The following FMN1 variants were observed in gnomAD, a reference collection of about 807,000 sequenced individuals.
FMN1 encodes the protein formin-1.
FMN1 carries 110 observed loss-of-function variants against 132.4 expected under a neutral mutation model. The ratio of observed to expected loss-of-function variants is 0.83; its 90% CI spans 0.71 to 0.97. The LOEUF is 0.97. Ranked by LOEUF, FMN1 falls within the 50% of genes least tolerant of loss-of-function variation. FMN1 has a pLI of 0.00. For synonymous variants in FMN1, 722 were observed against 651.7 expected (o/e 1.11, Z -1.64); for missense variants, 1,792 against 1,705.3 (o/e 1.05, Z -0.90).
At chr15:32,850,839 T>G (rs2058991804) in intron 17 of FMN1, among the ~76,000 whole-genome samples, 1 of 152,132 alleles carries the variant, frequency 6.6e-6, no homozygotes, top group African/African-American at 2.4e-5. Flanking sequence ...TATTTTAGGT[T>G]TGGGGGTACA....
rs780843149 is a variant in FMN1, at chr15:32,968,825, A to C, written c.2876T>G (p.Leu959Arg). The change falls in exon 8 of 21, where the codon CTC becomes CGC. Residue 959 changes from leucine to arginine, a missense_variant. Physicochemically the swap from Leu to Arg is moderately radical, Grantham distance 102 (BLOSUM62 -2). Transcript: ENST00000616417. ...GGAAGAAGAGCCAAGTCCAAAGAAG[A>C]GTCCAGGGGGAGGTGGGGGTGCAAG... The part of the protein sequence containing the change: ...PGLAPPPPPG[L>R]FFGLGSSSSQ... 5.6e-5 allele frequency: 87 copies of C among 1,555,964 alleles called. 1 individual carries two copies. The highest frequency in any genetic ancestry group is 6.2e-5 in the Non-Finnish European group (71 of 1,139,714).
intron 12 of FMN1, among the ~76,000 whole-genome samples, chr15:32,903,608 C>T (rs779375078): frequency 2.6e-5 from 4 of 152,152 alleles, no homozygotes; most frequent in African/African-American, 4.8e-5. Flanking sequence ...TCACAGTGAG[C>T]GAAGCAGTTA....
chr15:33,071,029 T>C (rs1392143811), intron 5 of FMN1, among the ~76,000 whole-genome samples: 2 of 152,174 alleles, frequency 1.3e-5, no homozygotes, highest in Middle Eastern at 3.2e-3. Flanking sequence ...CTCCACTTCC[T>C]TCCCGAATAG....
intron 4 of FMN1, among the ~76,000 whole-genome samples, chr15:33,148,738 T>C (rs1253557935): frequency 6.6e-6 from 1 of 152,158 alleles, no homozygotes. Flanking sequence ...CTGTGAGTAA[T>C]CCAGGGGCCT....
chr15:33,069,587 C>G (rs182185704), intron 5 of FMN1, among the ~76,000 whole-genome samples: 202 of 152,282 alleles, frequency 1.3e-3, no homozygotes, highest in Non-Finnish European at 1.1e-3. Context: ...GAGCCATGTT[C>G]TTCAGTACTA....
chr15:32,887,579 C>G lies in FMN1; in HGVS notation c.3835+593G>C, dbSNP rs149026382. On this transcript the variant is annotated intron_variant, in intron 16 of 20. Coordinates refer to ENST00000616417, the MANE Select transcript of FMN1 (RefSeq NM_001277313.2). ...TGGGCCTTACCATCATTATTAGACT[C>G]ATATATAAACCAAACATACAGGAAC... is the stretch of plus-strand genomic sequence containing the variant. Among the ~76,000 whole-genome samples, 944 of 152,274 alleles carry G rather than the reference C, an allele frequency of 6.2e-3. 12 individuals carry two copies. The highest frequency in any genetic ancestry group is 0.022 in the African/African-American group (899 of 41,536).
At chr15:32,884,410 C>T (rs1249998617) in intron 16 of FMN1, among the ~76,000 whole-genome samples, 1 of 152,148 alleles carries the variant, frequency 6.6e-6, no homozygotes, top group African/African-American at 2.4e-5. Context: ...TTATATCTCC[C>T]TCTGATCATA....
At chr15:33,030,681 A>G (rs970217686) in intron 6 of FMN1, among the ~76,000 whole-genome samples, 1 of 152,220 alleles carries the variant, frequency 6.6e-6, no homozygotes, top group Non-Finnish European at 1.5e-5. Flanking sequence ...GTATTTACAT[A>G]CCGAAAAGAA....
In FMN1 at chr15:32,969,368, C is replaced by T. The variant is rs932260737; in HGVS notation, c.2333G>A (p.Arg778Gln). Residue 778 changes from arginine (R) to glutamine (Q), a missense_variant, in exon 8 of 21, where the codon CGA (arginine) becomes CAA (glutamine). Arg to Gln is a conservative substitution (Grantham distance 43, BLOSUM62 1). Transcript: ENST00000616417. ...NLKHELEHRW[R>Q]GGCEERKDVC... ...ATCTTTCCTCTCTTCACAACCCCCT[C>T]GCCATCTGTGTTCTAGCTCGTGTTT... The T allele has an allele frequency of 7.4e-6, 12 of 1,613,948 alleles. No homozygotes were observed. The highest frequency in any genetic ancestry group is 1.0e-5 in the Non-Finnish European group (12 of 1,179,880).
intron 17 of FMN1, among the ~76,000 whole-genome samples, chr15:32,826,574 C>T (rs1041780714): frequency 6.6e-6 from 1 of 152,158 alleles, no homozygotes; most frequent in Admixed American, 6.6e-5. Flanking sequence ...TAATGAGAAA[C>T]CAGGAAAGTA....
rs1272917544 is a variant in FMN1, at chr15:32,900,027, A to G, written c.3606T>C (p.Asp1202=). The part of the protein sequence containing the change: ...NGGNRTRGQA[D]GYSLEILPKL... Reference sequence around the variant, plus strand: ...TGGGCAGAATTTCTAAGCTATATCCATCGGCTTGTCCCCGAGTCCTATTTC... The same window carrying G: ...TGGGCAGAATTTCTAAGCTATATCCGTCGGCTTGTCCCCGAGTCCTATTTC... The change falls in exon 14 of 21, where the codon GAT becomes GAC. Residue 1202 remains aspartate (D), a synonymous_variant. Transcript: ENST00000616417. 1 of 1,614,004 alleles carries G rather than the reference A, an allele frequency of 6.2e-7. No homozygotes were observed. Among genetic ancestry groups the G allele is most frequent in the Non-Finnish European group, 8.5e-7 (1 of 1,179,874 alleles).
chr15:32,788,529 T>A (rs2056956818), intron 19 of FMN1, among the ~76,000 whole-genome samples: 1 of 151,856 alleles, frequency 6.6e-6, no homozygotes, highest in South Asian at 2.1e-4. Context: ...AACAAAAGGG[T>A]GAGGAAACAG....
intron 19 of FMN1, among the ~76,000 whole-genome samples, chr15:32,782,933 A>G (rs1447807799): frequency 1.3e-5 from 2 of 152,318 alleles, no homozygotes; most frequent in African/African-American, 4.8e-5. Context: ...TCTCACTTAT[A>G]AGTGGGAGCT....
chr15:33,100,237 A>G (rs2039243933), intron 4 of FMN1, among the ~76,000 whole-genome samples: 1 of 152,070 alleles, frequency 6.6e-6, no homozygotes, highest in Non-Finnish European at 1.5e-5. Context: ...AAAAAAAAAA[A>G]AAAAAGGTAG....
chr15:32,924,458 A>G (rs781312084), intron 10 of FMN1, among the ~76,000 whole-genome samples: 8 of 152,230 alleles, frequency 5.3e-5, no homozygotes, highest in Non-Finnish European at 8.8e-5. Flanking sequence ...GTCAGGACCT[A>G]TGGGTATTCT....
At chr15:33,107,258 T>C (rs932682974) in intron 4 of FMN1, among the ~76,000 whole-genome samples, 1 of 151,986 alleles carries the variant, frequency 6.6e-6, no homozygotes, top group African/African-American at 2.4e-5. Flanking sequence ...TCTACGCCAC[T>C]ACCTCTCTCA....
chr15:33,077,235 A>C (rs865823559), intron 5 of FMN1, among the ~76,000 whole-genome samples: 2 of 151,066 alleles, frequency 1.3e-5, no homozygotes, highest in Non-Finnish European at 1.5e-5. Flanking sequence ...GGGTTTCTCT[A>C]TGTTGCTCAG....
chr15:32,950,866 G>A (rs989658526), intron 9 of FMN1, among the ~76,000 whole-genome samples: 1 of 152,060 alleles, frequency 6.6e-6, no homozygotes, highest in Non-Finnish European at 1.5e-5. Flanking sequence ...TTTCAATACT[G>A]TTAGTTATCT....
intron 6 of FMN1, among the ~76,000 whole-genome samples, chr15:33,039,176 G>A (rs953478245): frequency 3.3e-5 from 5 of 152,250 alleles, no homozygotes; most frequent in African/African-American, 1.2e-4. Context: ...ATTCAGAAAA[G>A]GTAATGGGAA....
Sources: allele counts gnomAD v4.1 joint callset (sites outside exome capture counted in the v4.1 genomes callset), GRCh38; gene constraint gnomAD v4.1.1; transcripts MANE v1.5; gene names NCBI Gene and HGNC (gene_info 2026-07-23, HGNC 2026-07-21).